Variants in PDSS2 observed in about 807,000 individuals in gnomAD.
The protein encoded by PDSS2 is decaprenyl diphosphate synthase subunit 2, also known as all trans-polyprenyl-diphosphate synthase PDSS2.
PDSS2 carries 31 observed loss-of-function variants against 44.5 expected under a neutral mutation model. That is an observed-to-expected ratio of 0.70 (90% confidence interval 0.52 to 0.94). PDSS2 has a LOEUF of 0.94. PDSS2 is among the 40% of genes least tolerant of loss of function. The pLI is 0.00. For synonymous variants in PDSS2, 157 were observed against 180.3 expected (o/e 0.87, Z 1.03); for missense variants, 452 against 482.2 (o/e 0.94, Z 0.59).
chr6:107,276,124 G>GAAAAAAAAAA (rs1775774129), intron 2 of PDSS2, among the ~76,000 whole-genome samples: 2 of 12,680 alleles, frequency 1.6e-4, no homozygotes, highest in African/African-American at 1.7e-4. Context: ...CAAAAAAAAG[G>GAAAAAAAAAA]AAAGAAAAGA....
chr6:107,429,901 A>AAAAAAAAAATATAT (rs1166637352), intron 1 of PDSS2, among the ~76,000 whole-genome samples: 6 of 31,834 alleles, frequency 1.9e-4, no homozygotes, highest in African/African-American at 2.5e-4. Context: ...AAAAAAAAAA[A>AAAAAAAAAATATAT]ATATATATAT....
intron 1 of PDSS2, among the ~76,000 whole-genome samples, chr6:107,430,165 G>C (rs1393954076): frequency 6.6e-6 from 1 of 151,604 alleles, no homozygotes; most frequent in Non-Finnish European, 1.5e-5. Flanking sequence ...TTCATATTTT[G>C]CACTCTTTTT....
At chr6:107,409,207 CAT>C (rs1024213858) in intron 1 of PDSS2, among the ~76,000 whole-genome samples, 5 of 152,178 alleles carry the variant, frequency 3.3e-5, no homozygotes, top group African/African-American at 4.8e-5. Flanking sequence ...CTAAAAATCA[CAT>C]GATTCACAAC....
chr6:107,279,162 T>C (rs1056354418), intron 2 of PDSS2, among the ~76,000 whole-genome samples: 3 of 151,264 alleles, frequency 2.0e-5, no homozygotes, highest in Middle Eastern at 3.4e-3. Flanking sequence ...GAGGTTGCAG[T>C]GAGCCGAGAT....
intron 1 of PDSS2, among the ~76,000 whole-genome samples, chr6:107,438,465 T>C (rs1258224703): frequency 1.3e-5 from 2 of 152,180 alleles, no homozygotes; most frequent in South Asian, 4.1e-4. Context: ...TCTACGCGCC[T>C]CGGCCTCCCA....
chr6:107,297,217 C>G (rs1282937136), intron 2 of PDSS2, among the ~76,000 whole-genome samples: 1 of 152,188 alleles, frequency 6.6e-6, no homozygotes, highest in African/African-American at 2.4e-5. Flanking sequence ...AAATCTCAGT[C>G]AGTCTCAGAT....
At chr6:107,215,604 A>C (rs1194613499) in intron 4 of PDSS2, among the ~76,000 whole-genome samples, 2 of 152,192 alleles carry the variant, frequency 1.3e-5, no homozygotes, top group Non-Finnish European at 2.9e-5. Flanking sequence ...AGGAAAGATG[A>C]GTTTAACTCT....
rs201366565 is a variant in PDSS2 at position 107,459,005 on chromosome 6, A to G, written c.281T>C (p.Leu94Pro). 3.0e-5 allele frequency: 48 copies of G among 1,614,172 alleles called. No individual in the cohort carries two copies. The East Asian group carries it at 1.0e-3, about 34-fold the overall frequency. ...GGTAGCTCACCTGGCTGTGGTAAGCAGAGGGTGCTGAGTGCCCACCAGCTT... is the reference window on the plus strand; with the variant it reads ...GGTAGCTCACCTGGCTGTGGTAAGCGGAGGGTGCTGAGTGCCCACCAGCTT... ...VRKLVGTQHPLLTTARGLVHD... is the reference protein window; with the variant it reads ...VRKLVGTQHPPLTTARGLVHD... Residue 94 changes from leucine to proline, a missense_variant, in exon 1 of 8, where the codon CTG (leucine) becomes CCG (proline). Leu to Pro is a moderately conservative substitution (Grantham distance 98). Transcript: ENST00000369037. The surrounding 1 kb of genome is among the most constrained non-coding windows in gnomAD (Gnocchi z 4.3).
intron 3 of PDSS2, among the ~76,000 whole-genome samples, chr6:107,268,650 C>T (rs1047167636): frequency 3.9e-5 from 6 of 152,048 alleles, no homozygotes; most frequent in African/African-American, 1.4e-4. Flanking sequence ...GTGTCACTGG[C>T]ATTTTTCTGA....
intron 1 of PDSS2, among the ~76,000 whole-genome samples, chr6:107,348,229 T>C (rs925519640): frequency 4.6e-5 from 7 of 152,200 alleles, no homozygotes; most frequent in Admixed American, 2.0e-4. Flanking sequence ...CACTTTCACA[T>C]GCACACAACA....
intron 1 of PDSS2, among the ~76,000 whole-genome samples, chr6:107,426,471 A>G (rs879676646): frequency 6.6e-6 from 1 of 152,200 alleles, no homozygotes; most frequent in Non-Finnish European, 1.5e-5. Context: ...GTAGGGTTGG[A>G]GCCTCCACAA....
intron 1 of PDSS2, among the ~76,000 whole-genome samples, chr6:107,357,343 T>TAA (rs1333643702): frequency 1.3e-5 from 2 of 152,196 alleles, no homozygotes; most frequent in Non-Finnish European, 2.9e-5. Flanking sequence ...AAATTCCATC[T>TAA]ATTAGCATGA....
At chr6:107,347,696 C>CA in intron 1 of PDSS2, among the ~76,000 whole-genome samples, 1 of 152,042 alleles carries the variant, frequency 6.6e-6, no homozygotes, top group Non-Finnish European at 1.5e-5. Context: ...AATGGCTAAT[C>CA]AAAAGAAATA....
At chr6:107,269,889 A>T (rs543956082) in intron 3 of PDSS2, among the ~76,000 whole-genome samples, 7 of 151,812 alleles carry the variant, frequency 4.6e-5, no homozygotes, top group African/African-American at 9.7e-5. Flanking sequence ...CTGGTCTCAG[A>T]CTCCTGACCT....
intron 1 of PDSS2, among the ~76,000 whole-genome samples, chr6:107,336,306 C>G (rs1051428453): frequency 2.8e-5 from 4 of 142,838 alleles, no homozygotes; most frequent in Non-Finnish European, 6.2e-5. Flanking sequence ...AGTCTCCAAA[C>G]AGAAATTTTT....
chr6:107,173,586 A>AAAG (rs2114400385), intron 7 of PDSS2, among the ~76,000 whole-genome samples: 1 of 150,460 alleles, frequency 6.6e-6, no homozygotes, highest in African/African-American at 2.5e-5. Flanking sequence ...AAAAAAAAAA[A>AAAG]AAAAAAAAAA....
chr6:107,402,517 CAT>C (rs1437088840), intron 1 of PDSS2, among the ~76,000 whole-genome samples: 1 of 2,834 alleles, frequency 3.5e-4, no homozygotes, highest in Non-Finnish European at 8.2e-4. Context: ...TATACACACA[CAT>C]ATATACATAC....
chr6:107,197,815 G>A (rs760474114), intron 6 of PDSS2: 17 of 470,852 alleles, frequency 3.6e-5, no homozygotes, highest in East Asian at 6.9e-5. Flanking sequence ...TATTCTCATC[G>A]TTCAGTGCTT....
At chr6:107,285,500 GA>G (rs1470272376) in intron 2 of PDSS2, among the ~76,000 whole-genome samples, 1 of 150,320 alleles carries the variant, frequency 6.7e-6, no homozygotes, top group Non-Finnish European at 1.5e-5. Flanking sequence ...AGAAGAAGAA[GA>G]AGGAAAAAAA....
Sources: gnomAD v4.1 joint callset for allele counts (sites outside exome capture counted in the v4.1 genomes callset) on GRCh38, gnomAD v4.1.1 for gene constraint, Gnocchi (gnomAD v3.1) non-coding constraint, MANE v1.5 for transcripts, NCBI Gene and HGNC (gene_info 2026-07-23, HGNC 2026-07-21) for gene names.